The following TBCK variants were observed in gnomAD, a reference collection of about 807,000 sequenced individuals.
The protein encoded by TBCK is TBC1 domain containing kinase.
TBCK carries 99 observed loss-of-function variants against 113.4 expected under a neutral mutation model. That is an observed-to-expected ratio of 0.87 (90% confidence interval 0.74 to 1.03). The LOEUF (loss-of-function observed/expected upper bound fraction) is 1.03, where lower values mean the gene tolerates loss of function less well. TBCK is among the 50% of genes least tolerant of loss of function. The pLI is 0.00. For missense variants in TBCK, 1,045 were observed against 1,061.3 expected, an observed-to-expected ratio of 0.98 and a Z score of 0.21; for synonymous variants, 369 against 370.8, an observed-to-expected ratio of 1.00 and a Z score of 0.05.
rs540910872 is a variant in TBCK at position 106,112,455 on chromosome 4, A to C, written c.2411+3748T>G. Among the ~76,000 whole-genome samples the C allele has an allele frequency of 5.8e-4, 89 of 152,320 alleles. 3 individuals carry two copies. Among genetic ancestry groups the C allele is most frequent in the Admixed American group, 1.7e-3 (26 of 15,300 alleles). On this transcript the variant is annotated intron_variant, in intron 24 of 25. Coordinates refer to ENST00000394708, the MANE Select transcript of TBCK (RefSeq NM_001163435.3). ...CTGATGGCTCTGGTAAACATGGAAAAGTCACTTTCTGGTGGAAATCACGTA... is the reference window on the plus strand; with the variant it reads ...CTGATGGCTCTGGTAAACATGGAAACGTCACTTTCTGGTGGAAATCACGTA...
At chr4:106,309,741 TA>T (rs1561005752) in intron 1 of TBCK, among the ~76,000 whole-genome samples, 1 of 152,176 alleles carries the variant, frequency 6.6e-6, no homozygotes, top group Non-Finnish European at 1.5e-5. Flanking sequence ...TTAATAGTAG[TA>T]AAGCTTAAAC....
At chr4:106,109,878 AC>A (rs1397394100) in intron 24 of TBCK, among the ~76,000 whole-genome samples, 1 of 152,196 alleles carries the variant, frequency 6.6e-6, no homozygotes, top group Non-Finnish European at 1.5e-5. Flanking sequence ...TTGTAGAAAG[AC>A]ACAAACCTTC....
chr4:106,117,688 G>C (rs941631103), intron 23 of TBCK, among the ~76,000 whole-genome samples: 1 of 152,144 alleles, frequency 6.6e-6, no homozygotes, highest in Non-Finnish European at 1.5e-5. Context: ...GTGATCTCTT[G>C]AAATCTTATG....
At position 106,171,171 on chromosome 4, in the gene TBCK, G is replaced by C; in HGVS notation, c.2159C>G (p.Ser720Cys). ...YRQHAQPPKP[S>C]SDSSGGRSSA... ...ACTTCTGCCTCCACTGCTGTCAGAA[G>C]ATGGCTTTGGAGGTTGAGCATGCTG... The change falls in exon 23 of 26, where the codon TCT (serine) becomes TGT (cysteine). Residue 720 changes from serine to cysteine, a missense_variant. By Grantham distance (112) the Ser-to-Cys change is moderately radical. Coordinates refer to ENST00000394708, the MANE Select transcript of TBCK (RefSeq NM_001163435.3). 1 of 1,612,880 alleles carries C rather than the reference G, an allele frequency of 6.2e-7. No homozygotes were observed.
Position 106,248,943 on chromosome 4 carries a change from T to C in TBCK, c.698A>G (p.His233Arg), listed in dbSNP as rs1377286891. Residue 233 changes from histidine (H) to arginine (R), a missense_variant, in exon 8 of 26, where the codon CAT (histidine) becomes CGT (arginine). Coordinates refer to ENST00000394708, the MANE Select transcript of TBCK (RefSeq NM_001163435.3). ...DDTLIVLAEEHGCLDIIKELP... is the reference protein window; with the variant it reads ...DDTLIVLAEERGCLDIIKELP... Reference sequence around the variant, plus strand: ...AACCTTTATAATGTCCAAACAACCATGCTCTTCAGCCAGAACTATTAAAGT... The same window carrying C: ...AACCTTTATAATGTCCAAACAACCACGCTCTTCAGCCAGAACTATTAAAGT... The C allele has an allele frequency of 6.2e-7, 1 of 1,608,556 alleles. No homozygotes were observed. The highest frequency in any genetic ancestry group is 8.5e-7 in the Non-Finnish European group (1 of 1,178,278).
At chr4:106,203,756 T>G (rs1386319854) in intron 20 of TBCK, among the ~76,000 whole-genome samples, 1 of 152,116 alleles carries the variant, frequency 6.6e-6, no homozygotes, top group African/African-American at 2.4e-5. Context: ...TTTCATTGAT[T>G]ACTACAAAAA....
chr4:106,067,272 T>A (rs1254967306), intron 25 of TBCK, among the ~76,000 whole-genome samples: 1 of 152,182 alleles, frequency 6.6e-6, no homozygotes, highest in Admixed American at 6.5e-5. Context: ...GCCATTTGTA[T>A]ATCTTCCTCA....
intron 2 of TBCK, among the ~76,000 whole-genome samples, chr4:106,303,241 G>C (rs575453541): frequency 6.6e-6 from 1 of 152,220 alleles, no homozygotes; most frequent in South Asian, 2.1e-4. Flanking sequence ...GAAAAGTCTA[G>C]TACCTGACAT....
chr4:106,115,872 C>T (rs1743421970), intron 24 of TBCK, among the ~76,000 whole-genome samples: 1 of 152,166 alleles, frequency 6.6e-6, no homozygotes, highest in Non-Finnish European at 1.5e-5. Flanking sequence ...CAGGTGTATA[C>T]TTACTCTTTA....
At chr4:106,295,787 T>C (rs746399893) in intron 2 of TBCK, among the ~76,000 whole-genome samples, 6 of 152,318 alleles carry the variant, frequency 3.9e-5, no homozygotes, top group East Asian at 3.9e-4. Flanking sequence ...TGAAGCCTTA[T>C]TGACAACACA....
chr4:106,049,506 G>A (rs909687448), intron 25 of TBCK, among the ~76,000 whole-genome samples: 38 of 152,150 alleles, frequency 2.5e-4, no homozygotes, highest in African/African-American at 8.7e-4. Flanking sequence ...TGACAGGTTA[G>A]GGAGGAAAGA....
chr4:106,093,019 G>A (rs1740485698), intron 25 of TBCK, among the ~76,000 whole-genome samples: 1 of 152,210 alleles, frequency 6.6e-6, no homozygotes, highest in Admixed American at 6.5e-5. Context: ...GGGACAAATA[G>A]CCAAACCATG....
At chr4:106,171,497 A>C (rs1018786861) in intron 22 of TBCK, among the ~76,000 whole-genome samples, 1 of 152,078 alleles carries the variant, frequency 6.6e-6, no homozygotes, top group African/African-American at 2.4e-5. Context: ...AAATGTATCT[A>C]CTTATGTTTT....
chr4:106,166,138 A>G (rs1750345482), intron 23 of TBCK, among the ~76,000 whole-genome samples: 1 of 151,728 alleles, frequency 6.6e-6, no homozygotes, highest in Non-Finnish European at 1.5e-5. Flanking sequence ...TGCATACATT[A>G]TTTTTGTATC....
intron 2 of TBCK, among the ~76,000 whole-genome samples, chr4:106,303,888 C>T (rs1767223054): frequency 1.3e-5 from 2 of 152,128 alleles, no homozygotes; most frequent in South Asian, 2.1e-4. Context: ...CCACCTTTGA[C>T]ATCAGAGGGC....
intron 19 of TBCK, among the ~76,000 whole-genome samples, chr4:106,221,136 C>T (rs1444586790): frequency 6.6e-6 from 1 of 152,218 alleles, no homozygotes; most frequent in South Asian, 2.1e-4. Context: ...ACTGTCCTGC[C>T]ACCACACCCA....
At chr4:106,265,271 G>T (rs1040218547) in intron 3 of TBCK, among the ~76,000 whole-genome samples, 1 of 151,754 alleles carries the variant, frequency 6.6e-6, no homozygotes, top group Non-Finnish European at 1.5e-5. Context: ...GATATAGCAG[G>T]TATATATATC....
rs544687833 is a variant in TBCK at position 106,130,545 on chromosome 4, C to T, written c.2236-14167G>A. On this transcript the variant is annotated intron_variant, in intron 23 of 25. Transcript: ENST00000394708. ...TTATATATTATCAAGGGAAAAAAGA[C>T]CCTGTAATACTATAAATTAATTATG... Among the ~76,000 whole-genome samples the T allele has an allele frequency of 5.9e-4, 89 of 151,038 alleles. 4 individuals are homozygous for T. The highest frequency in any genetic ancestry group is 1.7e-3 in the Admixed American group (26 of 15,130).
At chr4:106,133,513 C>T (rs539507766) in intron 23 of TBCK, among the ~76,000 whole-genome samples, 1 of 152,242 alleles carries the variant, frequency 6.6e-6, no homozygotes, top group African/African-American at 2.4e-5. Context: ...TTAAATAGGA[C>T]AGGCTTTCAT....
Sources: allele counts gnomAD v4.1 joint callset (sites outside exome capture counted in the v4.1 genomes callset), GRCh38; gene constraint gnomAD v4.1.1; transcripts MANE v1.5; gene names NCBI Gene and HGNC (gene_info 2026-07-23, HGNC 2026-07-21).